Variants in PCDHA2 observed in about 807,000 individuals in gnomAD.
The protein encoded by PCDHA2 is protocadherin alpha-2.
A neutral mutation model predicts 66.0 loss-of-function variants in PCDHA2; 58 were observed. The ratio of observed to expected loss-of-function variants is 0.88; its 90% CI spans 0.71 to 1.09. The LOEUF (loss-of-function observed/expected upper bound fraction) is 1.09, where lower values mean the gene tolerates loss of function less well. Among genes scored for constraint, PCDHA2 ranks in the 50% least tolerant of loss-of-function variants. PCDHA2 has a pLI of 0.00. For missense variants in PCDHA2, 1,267 were observed against 1,242.3 expected, an observed-to-expected ratio of 1.02 and a Z score of -0.30; for synonymous variants, 634 against 554.0, an observed-to-expected ratio of 1.14 and a Z score of -2.03.
Position 140,795,052 on chromosome 5 carries a change from C to A in PCDHA2, c.88C>A (p.Gln30Lys), listed in dbSNP as rs782370691. The A allele has an allele frequency of 8.1e-6, 13 of 1,613,874 alleles. No individual in the cohort carries two copies. The highest frequency in any genetic ancestry group is 6.7e-5 in the Admixed American group (4 of 60,026). Reference sequence around the variant, plus strand: ...CGCAGCCTGGGAGGTGGGGAGCGGCCAGCTCCGCTACTCCGTCCCCGAGGA... The same window carrying A: ...CGCAGCCTGGGAGGTGGGGAGCGGCAAGCTCCGCTACTCCGTCCCCGAGGA... Reference protein sequence around the residue: ...LLAAWEVGSGQLRYSVPEEAK... With the variant: ...LLAAWEVGSGKLRYSVPEEAK... The change falls in exon 1 of 4, where the codon CAG (glutamine) becomes AAG (lysine). Residue 30 changes from glutamine (Q) to lysine (K), a missense_variant. Transcript: ENST00000526136.
At chr5:140,807,355 G>C in intron 1 of PCDHA2, 3 of 1,610,796 alleles carry the variant, frequency 1.9e-6, no homozygotes, top group Non-Finnish European at 2.5e-6. Context: ...GACTGGAGCT[G>C]GCGGAGCTGG....
Position 140,834,565 on chromosome 5 carries a change from C to A in PCDHA2, c.2388+37213C>A, listed in dbSNP as rs376907347. 4 of 1,613,968 alleles carry A rather than the reference C, an allele frequency of 2.5e-6. No homozygotes were observed. In the South Asian group the frequency reaches 3.3e-5, roughly 13 times the overall value. On this transcript the variant is annotated intron_variant, in intron 1 of 3. Transcript: ENST00000526136. ...GGGCTGGAGCTGGCGGAGCTGGTGC[C>A]GCGCCTGTTCCGGGCGGTGTGCAAA...
intron 1 of PCDHA2, chr5:140,847,497 A>G (rs1331989915): frequency 3.3e-5 from 5 of 149,972 alleles, no homozygotes; most frequent in African/African-American, 1.2e-4. Context: ...AAAACTCACA[A>G]CAAAACTTTG....
intron 1 of PCDHA2, among the ~76,000 whole-genome samples, chr5:140,947,890 G>A (rs1233922642): frequency 1.3e-5 from 2 of 151,506 alleles, no homozygotes; most frequent in African/African-American, 4.8e-5. Context: ...AATATAAACA[G>A]AAGTGGTGAG....
chr5:140,991,149 C>T (rs2097435018), intron 3 of PCDHA2, among the ~76,000 whole-genome samples: 1 of 152,092 alleles, frequency 6.6e-6, no homozygotes, highest in South Asian at 2.1e-4. Flanking sequence ...GTTTTTTGCT[C>T]ACCATTGTAT....
chr5:140,957,591 C>T (rs1554223040), intron 1 of PCDHA2, among the ~76,000 whole-genome samples: 1 of 151,946 alleles, frequency 6.6e-6, no homozygotes, highest in African/African-American at 2.4e-5. Flanking sequence ...CAAAGCACTT[C>T]CCAGAATAAA....
intron 1 of PCDHA2, among the ~76,000 whole-genome samples, chr5:140,972,738 A>G (rs918730708): frequency 1.4e-5 from 2 of 142,600 alleles, no homozygotes; most frequent in Non-Finnish European, 3.0e-5. Context: ...ATCCCGGCTC[A>G]CTGCAACCTC....
chr5:140,877,334 C>A (rs375199455), intron 1 of PCDHA2: 13 of 1,614,002 alleles, frequency 8.1e-6, no homozygotes, highest in Non-Finnish European at 1.0e-5. Flanking sequence ...GCGCACATCC[C>A]GTTCCACGTG....
intron 3 of PCDHA2, among the ~76,000 whole-genome samples, chr5:141,004,902 G>A (rs1554259808): frequency 1.3e-5 from 2 of 152,084 alleles, no homozygotes; most frequent in African/African-American, 4.8e-5. Flanking sequence ...GCTCTGCCAG[G>A]GTGTAAGGAA....
chr5:141,009,729 G>A lies in PCDHA2; in HGVS notation c.2639G>A (p.Gly880Asp). 6.2e-7 allele frequency: 1 copy of A among 1,614,168 alleles called. No homozygotes were observed. The highest frequency in any genetic ancestry group is 8.5e-7 in the Non-Finnish European group (1 of 1,180,028). The change falls in exon 4 of 4, where the codon GGT (glycine) becomes GAT (aspartate). Residue 880 changes from glycine to aspartate, a missense_variant. Physicochemically the swap from Gly to Asp is moderately conservative, Grantham distance 94. Transcript: ENST00000526136. ...GGCAACCCCAAACAATCCGGTCCCG[G>A]TGAGTTGCCCGACAAATTCATTATC... ...GPGNPKQSGP[G>D]ELPDKFIIPG...
At chr5:140,946,506 A>G (rs1231345135) in intron 1 of PCDHA2, among the ~76,000 whole-genome samples, 1 of 151,616 alleles carries the variant, frequency 6.6e-6, no homozygotes, top group Non-Finnish European at 1.5e-5. Context: ...CAGTATGTCA[A>G]AGACCTATCC....
chr5:140,807,232 G>GCTCTTAC, intron 1 of PCDHA2: 2 of 1,614,220 alleles, frequency 1.2e-6, no homozygotes, highest in Non-Finnish European at 8.5e-7. Context: ...GGCGTCTGCT[G>GCTCTTAC]CTCTTACTTC....
chr5:140,882,369 C>G (rs1554173809), intron 1 of PCDHA2: 4 of 1,614,104 alleles, frequency 2.5e-6, no homozygotes, highest in African/African-American at 1.3e-5. Flanking sequence ...CTCCACTACT[C>G]CGTCCCCGAG....
chr5:140,823,677 C>G, intron 1 of PCDHA2: 1 of 1,614,048 alleles, frequency 6.2e-7, no homozygotes, highest in Non-Finnish European at 8.5e-7. Context: ...GCACAACACG[C>G]TCTCTGGATG....
chr5:140,954,615 C>A (rs782262504), intron 1 of PCDHA2, among the ~76,000 whole-genome samples: 16 of 151,806 alleles, frequency 1.1e-4, no homozygotes, highest in Non-Finnish European at 1.6e-4. Context: ...TTTTAATGGG[C>A]TTGTTTGGGT....
chr5:140,949,053 C>T (rs2094339991), intron 1 of PCDHA2, among the ~76,000 whole-genome samples: 1 of 151,694 alleles, frequency 6.6e-6, no homozygotes, highest in Admixed American at 6.6e-5. Flanking sequence ...TTCTAATTTC[C>T]ATTATGATTT....
At chr5:140,884,119 C>T (rs782009154) in intron 1 of PCDHA2, 1 of 1,613,310 alleles carries the variant, frequency 6.2e-7, no homozygotes. Context: ...CGGCGGTCGG[C>T]GCGCGCATCC....
At chr5:140,976,753 G>A (rs2096729890) in intron 1 of PCDHA2, among the ~76,000 whole-genome samples, 1 of 152,130 alleles carries the variant, frequency 6.6e-6, no homozygotes. Context: ...CCTCCCAGAT[G>A]CCAGAAGCCT....
chr5:140,857,769 G>A, intron 1 of PCDHA2: 1 of 1,597,600 alleles, frequency 6.3e-7, no homozygotes, highest in Non-Finnish European at 8.6e-7. Context: ...AGCGCGGGCG[G>A]TGCAGTCAGT....
Sources: allele counts gnomAD v4.1 joint callset (sites outside exome capture counted in the v4.1 genomes callset), GRCh38; gene constraint gnomAD v4.1.1; transcripts MANE v1.5; gene names NCBI Gene and HGNC (gene_info 2026-07-23, HGNC 2026-07-21).